The following RPTOR variants were observed in gnomAD, a reference collection of about 807,000 sequenced individuals.
The protein encoded by RPTOR is regulatory-associated protein of mTOR.
RPTOR carries 21 observed loss-of-function variants against 169.9 expected under a neutral mutation model. That is an observed-to-expected ratio of 0.12 (90% CI 0.09 to 0.18). RPTOR has a LOEUF of 0.18. Among genes scored for constraint, RPTOR ranks in the 10% least tolerant of loss-of-function variants. The pLI, the probability that RPTOR is intolerant of heterozygous loss-of-function variation, is 1.00. For missense variants in RPTOR, 1,133 were observed against 1,855.9 expected (o/e 0.61, Z 7.16); for synonymous variants, 732 against 753.2 (o/e 0.97, Z 0.46).
At position 80,893,728 on chromosome 17, in the gene RPTOR, C is replaced by A. The variant is rs759154872; in HGVS notation, c.2264C>A (p.Ser755Tyr). 3 of 1,609,330 alleles carry A rather than the reference C, an allele frequency of 1.9e-6. No homozygotes were observed. The highest frequency in any genetic ancestry group is 2.3e-5 in the East Asian group (1 of 44,184). ...GCAGCTGGTGGCGCGGTGGCGTTCT[C>A]CCCCGGAAACCTCAGCACCAGCAGC... ...TEESGGAVAF[S>Y]PGNLSTSSSA... The change falls in exon 20 of 34, where the codon TCC becomes TAC. Residue 755 changes from serine (S) to tyrosine (Y), a missense_variant. This residue lies in a region of RPTOR where 150 missense variants were observed against 206.4 expected (regional missense o/e 0.73). Coordinates refer to ENST00000306801, the MANE Select transcript of RPTOR (RefSeq NM_020761.3).
Position 80,708,025 on chromosome 17 carries a change from C to T in RPTOR, c.507+26C>T, listed in dbSNP as rs779746483. 1.2e-6 allele frequency: 2 copies of T among 1,602,996 alleles called. No homozygotes were observed. The highest frequency in any genetic ancestry group is 2.2e-5 in the South Asian group (2 of 89,724). On this transcript the variant is annotated intron_variant, in intron 4 of 33. Transcript: ENST00000306801. The surrounding 1 kb of genome is among the most constrained non-coding windows in gnomAD (Gnocchi z 4.2). ...GTGGGTGTGCCTTCCAGCTTCCTTC[C>T]CGTTTCTGCCAAAAGCCATGCCAAT...
At chr17:80,743,341 GAGA>G (rs892341678) in intron 5 of RPTOR, 1 of 985,374 alleles carries the variant, frequency 1.0e-6, no homozygotes, top group Non-Finnish European at 1.2e-6. Context: ...CCGCCGTGCA[GAGA>G]AGAAGCCACA....
At chr17:80,856,068 A>C (rs1432901122) in intron 12 of RPTOR, among the ~76,000 whole-genome samples, 1 of 152,224 alleles carries the variant, frequency 6.6e-6, no homozygotes, top group African/African-American at 2.4e-5. Context: ...ACGTGCGTTT[A>C]ACAAATAACT....
At chr17:80,789,150 T>C (rs972138320) in intron 6 of RPTOR, among the ~76,000 whole-genome samples, 3 of 152,260 alleles carry the variant, frequency 2.0e-5, no homozygotes, top group African/African-American at 7.2e-5. Context: ...ATTTTTATAA[T>C]GTGTAAGTCT....
Position 80,823,489 on chromosome 17 carries a change from G to T in RPTOR, c.1136+266G>T. The T allele has an allele frequency of 2.6e-6, 1 of 381,686 alleles. No individual in the cohort carries two copies. The highest frequency in any genetic ancestry group is 4.7e-6 in the Non-Finnish European group (1 of 210,856). 23.6% of individuals were successfully genotyped at this position (381,686 alleles called of 1,614,324 possible). A position where few individuals can be genotyped will look rare whatever the true frequency, so the allele number is the denominator to read the frequency against. ...CTGAAGCCTCACAGCTCTGCAACTC[G>T]GGAGGGTAGCACTTTGCAAGAGAGT... On this transcript the variant is annotated intron_variant, in intron 9 of 33. Transcript: ENST00000306801. The surrounding 1 kb of genome is among the most constrained non-coding windows in gnomAD (Gnocchi z 4.5).
At chr17:80,888,217 C>T (rs1003379611) in intron 17 of RPTOR, among the ~76,000 whole-genome samples, 3 of 152,238 alleles carry the variant, frequency 2.0e-5, no homozygotes, top group African/African-American at 4.8e-5. Context: ...CGGGCTCAAG[C>T]GATCCTCCCA....
At position 80,707,291 on chromosome 17, in the gene RPTOR, G is replaced by T. The variant is rs1034593060; in HGVS notation, c.349-550G>T. Among the ~76,000 whole-genome samples the T allele has an allele frequency of 6.6e-6, 1 of 152,174 alleles. No individual in the cohort carries two copies. The highest frequency in any genetic ancestry group is 1.9e-4 in the East Asian group (1 of 5,194). Reference sequence around the variant, plus strand: ...CCCAGTGGCAGCTGCGTTTGCCTTGGTGTTGCCATGTGACAGGCATTACTT... The same window carrying T: ...CCCAGTGGCAGCTGCGTTTGCCTTGTTGTTGCCATGTGACAGGCATTACTT... On this transcript the variant is annotated intron_variant, in intron 3 of 33. Coordinates refer to ENST00000306801, the MANE Select transcript of RPTOR (RefSeq NM_020761.3). This position sits in a 1 kb window ranked among gnomAD's most constrained non-coding sequence, Gnocchi z 5.0.
chr17:80,750,566 C>T (rs575926681), intron 5 of RPTOR, among the ~76,000 whole-genome samples: 1 of 152,320 alleles, frequency 6.6e-6, no homozygotes, highest in South Asian at 2.1e-4. Context: ...GCACACATGG[C>T]CGCTCCCACC....
At chr17:80,784,701 T>C (rs1361134274) in intron 6 of RPTOR, among the ~76,000 whole-genome samples, 2 of 64,800 alleles carry the variant, frequency 3.1e-5, no homozygotes, top group East Asian at 7.6e-4. Context: ...CCTATTTTAC[T>C]TTTTTTTTTT....
At chr17:80,583,401 G>A (rs563060924) in intron 1 of RPTOR, among the ~76,000 whole-genome samples, 6 of 152,198 alleles carry the variant, frequency 3.9e-5, no homozygotes, top group Admixed American at 3.3e-4. Context: ...ATGTTGGCCA[G>A]GCTGGTCCCA....
chr17:80,608,399 A>G (rs952719622), intron 1 of RPTOR, among the ~76,000 whole-genome samples: 1 of 152,156 alleles, frequency 6.6e-6, no homozygotes, highest in Non-Finnish European at 1.5e-5. Context: ...GTGGGCCATC[A>G]TTGGAGTTGC....
At chr17:80,950,579 G>A (rs1200753243) in intron 28 of RPTOR, among the ~76,000 whole-genome samples, 2 of 152,118 alleles carry the variant, frequency 1.3e-5, no homozygotes, top group African/African-American at 2.4e-5. Flanking sequence ...CTCCGTGGGG[G>A]CCCTTTCCTG....
intron 8 of RPTOR, 46 bp downstream of exon 8, chr17:80,822,347 T>G (rs748966310): frequency 1.9e-6 from 3 of 1,574,948 alleles, no homozygotes; most frequent in Non-Finnish European, 2.6e-6. Flanking sequence ...TGGCCTTGAG[T>G]GCGCGGGGAG....
At position 80,962,853 on chromosome 17, in the gene RPTOR, G is replaced by T. The variant is rs533558522; in HGVS notation, c.3810-75G>T. 6 of 1,595,718 alleles carry T rather than the reference G, an allele frequency of 3.8e-6. No homozygotes were observed. In the African/African-American group the frequency reaches 6.7e-5, roughly 18 times the overall value. On this transcript the variant is annotated intron_variant, in intron 32 of 33. Coordinates refer to ENST00000306801, the MANE Select transcript of RPTOR (RefSeq NM_020761.3). ...CGTGGTCTAGCCGGCCTGTCCCCGC[G>T]GTCTCGGCATCTGCGCCCATCTTCC...
intron 20 of RPTOR, among the ~76,000 whole-genome samples, chr17:80,906,109 C>A (rs2068539046): frequency 6.6e-6 from 1 of 152,112 alleles, no homozygotes; most frequent in Non-Finnish European, 1.5e-5. Flanking sequence ...TGTCGTGGAG[C>A]TAGGCGGTAG....
intron 21 of RPTOR, among the ~76,000 whole-genome samples, chr17:80,916,604 G>T (rs967177982): frequency 6.6e-6 from 1 of 152,234 alleles, no homozygotes; most frequent in Non-Finnish European, 1.5e-5. Flanking sequence ...TCGGGCAAAG[G>T]CGTCACCAGC....
At chr17:80,626,695 T>C (rs2065397020) in intron 2 of RPTOR, among the ~76,000 whole-genome samples, 1 of 150,652 alleles carries the variant, frequency 6.6e-6, no homozygotes, top group South Asian at 2.1e-4. Context: ...AATTTGAACC[T>C]ATGCAGTTCA....
chr17:80,808,898 C>G (rs2067245471), intron 7 of RPTOR, among the ~76,000 whole-genome samples: 1 of 148,776 alleles, frequency 6.7e-6, no homozygotes, highest in African/African-American at 2.6e-5. Flanking sequence ...CTGTGTGTCA[C>G]AGTTTGTTTC....
At chr17:80,751,014 G>T (rs1362819416) in intron 5 of RPTOR, among the ~76,000 whole-genome samples, 1 of 152,018 alleles carries the variant, frequency 6.6e-6, no homozygotes, top group Non-Finnish European at 1.5e-5. Flanking sequence ...TTGTACTCTG[G>T]GTTTAATGTT....
Sources: gnomAD v4.1 joint callset for allele counts (sites outside exome capture counted in the v4.1 genomes callset) on GRCh38, gnomAD v4.1.1 for gene constraint, gnomAD v4.1.1 regional missense constraint, Gnocchi (gnomAD v3.1) non-coding constraint, MANE v1.5 for transcripts, NCBI Gene and HGNC (gene_info 2026-07-23, HGNC 2026-07-21) for gene names.